The following CD36 variants were observed in gnomAD, a reference collection of about 807,000 sequenced individuals.
CD36 encodes the protein platelet glycoprotein 4.
Under a neutral mutation model 55.2 loss-of-function variants are expected in CD36, and 119 were observed. The ratio of observed to expected loss-of-function variants is 2.15; its 90% CI spans 1.86 to 2.51. The LOEUF is 2.51. Ranked by LOEUF, CD36 falls within the 30% of genes most tolerant of loss-of-function variation. CD36 has a pLI of 0.00. For synonymous variants in CD36, 186 were observed against 193.6 expected (o/e 0.96, Z 0.33); for missense variants, 819 against 555.5 (o/e 1.47, Z -4.77).
chr7:80,616,037 G>A (rs1278724670), intron 1 of CD36, among the ~76,000 whole-genome samples: 1 of 152,010 alleles, frequency 6.6e-6, no homozygotes, highest in Non-Finnish European at 1.5e-5. Flanking sequence ...ATCTTTCCAG[G>A]CAATAGGAGA....
chr7:80,653,876 A>G (rs1345777081), intron 3 of CD36, among the ~76,000 whole-genome samples: 1 of 152,174 alleles, frequency 6.6e-6, no homozygotes, highest in Non-Finnish European at 1.5e-5. Flanking sequence ...GTCTCTAAAC[A>G]AATCATGATG....
Position 80,666,455 on chromosome 7 carries a change from T to A in CD36, c.714T>A (p.Tyr238Ter). The A allele has an allele frequency of 6.2e-7, 1 of 1,605,838 alleles. No individual in the cohort carries two copies. The highest frequency in any genetic ancestry group is 8.5e-7 in the Non-Finnish European group (1 of 1,172,948). ...TTTCTATTCCTAGGAATCTGTCCTA[T>A]TGGGAAAGTCACTGCGACATGATTA... ...DTYKGKRNLS[Y>*]WESHCDMING... The change falls in exon 8 of 15, where the codon TAT (tyrosine) becomes TAA (stop). Residue 238 changes from tyrosine to a stop codon, truncating the protein, a stop_gained. Coordinates refer to ENST00000447544, the MANE Select transcript of CD36 (RefSeq NM_001001548.3). LOFTEE classifies it high-confidence loss of function.
In CD36 at chr7:80,664,408, C is replaced by CAA; in HGVS notation, c.613_614dup (p.Asn205LysfsTer18). 1 of 1,520,604 alleles carries CAA rather than the reference C, an allele frequency of 6.6e-7. No homozygotes were observed. The highest frequency in any genetic ancestry group is 9.1e-7 in the Non-Finnish European group (1 of 1,095,158). 94.2% of individuals were successfully genotyped at this position (1,520,604 alleles called of 1,614,324 possible). ...ATTTTCCCATACATATATTTCAGTA[C>CAA]AACAATACTGCAGATGGAGTTTATA... On this transcript the variant is annotated frameshift_variant, in exon 7 of 15. Coordinates refer to ENST00000447544, the MANE Select transcript of CD36 (RefSeq NM_001001548.3). LOFTEE classifies it high-confidence loss of function.
intron 1 of CD36, among the ~76,000 whole-genome samples, chr7:80,604,350 A>ATTTTTTTTTTTTTTTTTTTTTT (rs67213422): frequency 1.5e-4 from 8 of 54,294 alleles, no homozygotes; most frequent in East Asian, 3.9e-4. Context: ...AGCCACTGGA[A>ATTTTTTTTTTTTTTTTTTTTTT]TTTTTTTTTT....
chr7:80,672,831 C>G lies in CD36; in HGVS notation c.1187C>G (p.Ser396Ter), dbSNP rs1167195397. 1 of 1,609,196 alleles carries G rather than the reference C, an allele frequency of 6.2e-7. No individual in the cohort carries two copies. Among genetic ancestry groups the G allele is most frequent in the African/African-American group, 1.3e-5 (1 of 74,712 alleles). ...CAGGTCAACCTATTGGTCAAGCCATCAGAAAAAATTCAGTGAGTCTCTTGA... is the reference window on the plus strand; with the variant it reads ...CAGGTCAACCTATTGGTCAAGCCATGAGAAAAAATTCAGTGAGTCTCTTGA... ...RLQVNLLVKP[S>*]EKIQVLKNLK... Residue 396 changes from serine (S) to a stop codon, truncating the protein, a stop_gained, in exon 12 of 15, where the codon TCA (serine) becomes TGA (stop). Transcript: ENST00000447544. LOFTEE classifies it high-confidence loss of function.
rs186540921 is a variant in CD36 at position 80,644,860 on chromosome 7, G to A, written c.-183-1228G>A. 5.5e-4 allele frequency among the ~76,000 whole-genome samples: 84 copies of A among 152,176 alleles called. 1 individual carries two copies. The highest frequency in any genetic ancestry group is 2.0e-3 in the African/African-American group (83 of 41,520). On this transcript the variant is annotated intron_variant, in intron 1 of 14. Coordinates refer to ENST00000447544, the MANE Select transcript of CD36 (RefSeq NM_001001548.3). ...AGAATAATTGTTTATAAACTATAAAGCGCATTCTGACTATAAATGACACGC... is the reference window on the plus strand; with the variant it reads ...AGAATAATTGTTTATAAACTATAAAACGCATTCTGACTATAAATGACACGC...
chr7:80,658,848 A>T (rs1159238282), intron 4 of CD36, among the ~76,000 whole-genome samples: 1 of 152,138 alleles, frequency 6.6e-6, no homozygotes, highest in Non-Finnish European at 1.5e-5. Context: ...CATATTATTG[A>T]AATAGTTCTC....
rs1797720819 is a variant in CD36, at chr7:80,671,981, CCTA to C, written c.1067_1069del (p.Pro356_Ile357delinsLeu). On this transcript the variant is annotated inframe_deletion, in exon 11 of 15. Coordinates refer to ENST00000447544, the MANE Select transcript of CD36 (RefSeq NM_001001548.3). ...GTATGCAAGTCCTGATGTTTCAGAACCTATTGATGGATTAAACCCAAATGAAGA... is the reference window on the plus strand; with the variant it reads ...GTATGCAAGTCCTGATGTTTCAGAACTTGATGGATTAAACCCAAATGAAGA... 4.4e-6 allele frequency: 7 copies of C among 1,608,740 alleles called. No individual in the cohort carries two copies. The Middle Eastern group carries it at 8.5e-4, about 194-fold the overall frequency.
chr7:80,650,208 C>A (rs1274986555), intron 3 of CD36, among the ~76,000 whole-genome samples: 1 of 152,014 alleles, frequency 6.6e-6, no homozygotes, highest in Non-Finnish European at 1.5e-5. Context: ...TGTCCATAGA[C>A]TAAGACTCAT....
chr7:80,670,603 T>C (rs1208938332), intron 9 of CD36: 1 of 280,026 alleles, frequency 3.6e-6, no homozygotes, highest in East Asian at 9.3e-5. Context: ...ATCCAGCATG[T>C]ATATGCATAC....
At chr7:80,629,174 A>G (rs1340797835) in intron 1 of CD36, among the ~76,000 whole-genome samples, 1 of 152,038 alleles carries the variant, frequency 6.6e-6, no homozygotes, top group Non-Finnish European at 1.5e-5. Flanking sequence ...GCACAGGTGG[A>G]TCAGATTGCT....
intron 1 of CD36, among the ~76,000 whole-genome samples, chr7:80,621,275 A>G (rs946255881): frequency 9.9e-5 from 15 of 152,206 alleles, no homozygotes; most frequent in Admixed American, 7.2e-4. Context: ...TGTGTGACTC[A>G]GTTTATTGTG....
At chr7:80,628,380 C>A (rs1429607167) in intron 1 of CD36, among the ~76,000 whole-genome samples, 2 of 151,954 alleles carry the variant, frequency 1.3e-5, no homozygotes, top group Non-Finnish European at 2.9e-5. Context: ...ATTTTGGAAT[C>A]CTTTCTATAA....
At chr7:80,645,350 A>G (rs1329174254) in intron 1 of CD36, among the ~76,000 whole-genome samples, 1 of 150,324 alleles carries the variant, frequency 6.7e-6, no homozygotes, top group Non-Finnish European at 1.5e-5. Context: ...ATCACATACT[A>G]TGGCTGGGCA....
At chr7:80,660,346 A>G (rs943988508) in intron 4 of CD36, among the ~76,000 whole-genome samples, 1 of 152,198 alleles carries the variant, frequency 6.6e-6, no homozygotes, top group African/African-American at 2.4e-5. Flanking sequence ...ACCCTTAAAA[A>G]TGGAAATTAT....
rs774524792 is a variant in CD36, at chr7:80,663,094, GTT to G, written c.535_536del (p.Leu179MetfsTer4). ...MFQVRTLREL[L>X]WGYRDPFLSL... ...TCCAAGTCAGAACTTTGAGAGAACTGTTATGGGGCTATAGGGATCCATTTTTG... is the reference window on the plus strand; with the variant it reads ...TCCAAGTCAGAACTTTGAGAGAACTGATGGGGCTATAGGGATCCATTTTTG... On this transcript the variant is annotated frameshift_variant, in exon 6 of 15. Transcript: ENST00000447544. LOFTEE classifies it high-confidence loss of function. The G allele has an allele frequency of 5.6e-6, 9 of 1,613,642 alleles. No homozygotes were observed. The highest frequency in any genetic ancestry group is 1.7e-4 in the Middle Eastern group (1 of 6,056).
chr7:80,644,733 C>G (rs1010575210), intron 1 of CD36, among the ~76,000 whole-genome samples: 77 of 152,162 alleles, frequency 5.1e-4, no homozygotes, highest in African/African-American at 1.8e-3. Flanking sequence ...ATTATTAATA[C>G]ACTTACAACA....
rs150075775 is a variant in CD36, at chr7:80,674,032, C to T, written c.1304C>T (p.Thr435Ile). ...EKANMFRSQV[T>I]GKINLLGLIE... ...GCAAACATGTTCAGAAGTCAAGTAACTGGAAAAATAAACCTCCTTGGCCTG... is the reference window on the plus strand; with the variant it reads ...GCAAACATGTTCAGAAGTCAAGTAATTGGAAAAATAAACCTCCTTGGCCTG... The change falls in exon 14 of 15, where the codon ACT becomes ATT. Residue 435 changes from threonine (T) to isoleucine (I), a missense_variant. Transcript: ENST00000447544. The T allele has an allele frequency of 8.7e-6, 14 of 1,612,094 alleles. No homozygotes were observed. In the African/African-American group the frequency reaches 1.9e-4, roughly 22 times the overall value.
intron 1 of CD36, among the ~76,000 whole-genome samples, chr7:80,627,501 T>TAC (rs1793808841): frequency 6.6e-6 from 1 of 151,856 alleles, no homozygotes. Flanking sequence ...CCACTGCTCT[T>TAC]TAACAGAATA....
Sources: gnomAD v4.1 joint callset for allele counts (sites outside exome capture counted in the v4.1 genomes callset) on GRCh38, gnomAD v4.1.1 for gene constraint, MANE v1.5 for transcripts, NCBI Gene and HGNC (gene_info 2026-07-23, HGNC 2026-07-21) for gene names.